Variants in WDR41 observed in about 807,000 individuals in gnomAD.
The protein encoded by WDR41 is WD repeat domain 41.
In WDR41, 63 loss-of-function variants were observed where a neutral mutation model predicts 69.3. That is an observed-to-expected ratio of 0.91 (90% CI 0.74 to 1.12). WDR41 has a LOEUF of 1.12. Among genes scored for constraint, WDR41 ranks in the 50% most tolerant of loss-of-function variants. The probability of loss-of-function intolerance (pLI) is 0.00; values close to 1 mark genes in which losing one functional copy is unlikely to be tolerated. For missense variants in WDR41, 543 were observed against 534.5 expected (o/e 1.02, Z -0.16); for synonymous variants, 185 against 192.1 (o/e 0.96, Z 0.31).
rs535859647 is a variant in WDR41, at chr5:77,552,096, G to GA, written c.43-62525dup. On this transcript the variant is annotated intron_variant, in intron 1 of 5. Transcript: ENST00000509971. ...AACTAGTAGGGGAAAAATTGAATGAGAAAAAAAATGCAATTGATGCAGGGG... is the reference window on the plus strand; with the variant it reads ...AACTAGTAGGGGAAAAATTGAATGAGAAAAAAAAATGCAATTGATGCAGGGG... 1.5e-3 allele frequency among the ~76,000 whole-genome samples: 219 copies of GA among 149,034 alleles called. 4 individuals carry two copies. Among genetic ancestry groups the GA allele is most frequent in the African/African-American group, 4.9e-3 (201 of 40,708 alleles).
chr5:77,571,874 A>G (rs1162646738), intron 1 of WDR41, among the ~76,000 whole-genome samples: 4 of 152,298 alleles, frequency 2.6e-5, no homozygotes, highest in African/African-American at 7.2e-5. Context: ...TTAAATCCCA[A>G]TTCTCAGGGA....
chr5:77,475,017 T>A (rs974049918), intron 2 of WDR41, among the ~76,000 whole-genome samples: 3 of 151,798 alleles, frequency 2.0e-5, no homozygotes, highest in African/African-American at 7.3e-5. Flanking sequence ...GCTCAAGGGG[T>A]CAGGGAGTTC....
At chr5:77,619,544 C>A (rs904092031) in intron 1 of WDR41, among the ~76,000 whole-genome samples, 3 of 152,090 alleles carry the variant, frequency 2.0e-5, no homozygotes, top group Admixed American at 2.0e-4. Context: ...TGCTTCTCCC[C>A]AGACCTGACC....
intron 1 of WDR41, among the ~76,000 whole-genome samples, chr5:77,498,140 C>G (rs1801962359): frequency 1.3e-5 from 2 of 151,952 alleles, no homozygotes; most frequent in African/African-American, 4.8e-5. Context: ...TATGTTGAGA[C>G]CAATGAAAAA....
upstream of WDR41, chr5:77,492,497 C>A: frequency 7.5e-6 from 3 of 402,648 alleles, no homozygotes; most frequent in Non-Finnish European, 1.3e-5. Flanking sequence ...GGGGCGCGCG[C>A]TGCTCCGAGT....
At chr5:77,502,648 C>G (rs1013851082) in intron 1 of WDR41, among the ~76,000 whole-genome samples, 2 of 152,222 alleles carry the variant, frequency 1.3e-5, no homozygotes, top group Admixed American at 6.5e-5. Context: ...CAAAGGGAAG[C>G]CCATCAGACT....
chr5:77,526,557 T>G (rs1014125198), intron 1 of WDR41, among the ~76,000 whole-genome samples: 1 of 152,138 alleles, frequency 6.6e-6, no homozygotes, highest in African/African-American at 2.4e-5. Flanking sequence ...TACAAGGGCC[T>G]TACATATAAG....
chr5:77,459,790 T>C (rs1799969587), intron 4 of WDR41, among the ~76,000 whole-genome samples: 1 of 152,244 alleles, frequency 6.6e-6, no homozygotes, highest in Non-Finnish European at 1.5e-5. Flanking sequence ...AAATTGAAAC[T>C]AATTTCACAA....
chr5:77,554,285 G>A (rs921487769), intron 1 of WDR41, among the ~76,000 whole-genome samples: 2 of 152,146 alleles, frequency 1.3e-5, no homozygotes, highest in African/African-American at 4.8e-5. Flanking sequence ...GGTGAGGGGA[G>A]GTAGGGAAGT....
chr5:77,516,525 C>T (rs1217334736), intron 1 of WDR41, among the ~76,000 whole-genome samples: 6 of 152,270 alleles, frequency 3.9e-5, no homozygotes, highest in African/African-American at 1.4e-4. Flanking sequence ...TGGTTTCTCC[C>T]TTCTAGGGAG....
At chr5:77,460,473 T>G (rs1473871724) in intron 4 of WDR41, among the ~76,000 whole-genome samples, 1 of 152,186 alleles carries the variant, frequency 6.6e-6, no homozygotes, top group Non-Finnish European at 1.5e-5. Flanking sequence ...ACATTTAATA[T>G]TCAGTAACCT....
chr5:77,567,960 A>C (rs1278871375), intron 1 of WDR41, among the ~76,000 whole-genome samples: 1 of 151,846 alleles, frequency 6.6e-6, no homozygotes, highest in African/African-American at 2.4e-5. Context: ...AAAGAGTTGG[A>C]TATCCCTGCC....
intron 5 of WDR41, among the ~76,000 whole-genome samples, chr5:77,456,284 T>C (rs1287113364): frequency 6.6e-6 from 1 of 152,080 alleles, no homozygotes; most frequent in Non-Finnish European, 1.5e-5. Context: ...GCTAGGATTA[T>C]AGGCATAAGC....
chr5:77,501,034 G>T (rs185456772), intron 1 of WDR41, among the ~76,000 whole-genome samples: 381 of 152,316 alleles, frequency 2.5e-3, no homozygotes, highest in African/African-American at 8.7e-3. Context: ...TGGACAGTGG[G>T]CACAACCCAT....
chr5:77,523,092 T>C (rs1346806324), intron 1 of WDR41, among the ~76,000 whole-genome samples: 1 of 152,086 alleles, frequency 6.6e-6, no homozygotes, highest in East Asian at 1.9e-4. Context: ...GGCAGGTGGA[T>C]CACCTGAGGT....
At chr5:77,582,051 G>T (rs931670362) in intron 1 of WDR41, among the ~76,000 whole-genome samples, 24 of 152,044 alleles carry the variant, frequency 1.6e-4, no homozygotes, top group Admixed American at 1.3e-3. Flanking sequence ...GAAATCAAAA[G>T]CCAGTTATTT....
chr5:77,441,291 G>A (rs1799153453), intron 8 of WDR41, among the ~76,000 whole-genome samples: 1 of 152,132 alleles, frequency 6.6e-6, no homozygotes, highest in Non-Finnish European at 1.5e-5. Context: ...ACCTTATCTT[G>A]TACCATACAC....
chr5:77,562,927 G>A (rs756593037), intron 1 of WDR41, among the ~76,000 whole-genome samples: 18 of 152,048 alleles, frequency 1.2e-4, no homozygotes, highest in East Asian at 5.8e-4. Context: ...AAGATCTTCC[G>A]TGAAATTCTA....
intron 1 of WDR41, among the ~76,000 whole-genome samples, chr5:77,574,314 A>T (rs950425334): frequency 6.6e-6 from 1 of 151,890 alleles, no homozygotes; most frequent in Non-Finnish European, 1.5e-5. Flanking sequence ...AATAAATAAT[A>T]AATAAATAAA....
Sources: gnomAD v4.1 joint callset for allele counts (sites outside exome capture counted in the v4.1 genomes callset) on GRCh38, gnomAD v4.1.1 for gene constraint, MANE v1.5 for transcripts, NCBI Gene and HGNC (gene_info 2026-07-23, HGNC 2026-07-21) for gene names.